RGS22: variants seen among roughly 807,000 people sequenced by gnomAD.
RGS22 encodes regulator of G protein signaling 22.
A neutral mutation model predicts 172.9 loss-of-function variants in RGS22; 148 were observed. The observed-to-expected ratio is 0.86, with a 90% confidence interval of 0.75 to 0.98. RGS22 has a LOEUF of 0.98. Ranked by LOEUF, RGS22 falls within the 50% of genes least tolerant of loss-of-function variation. The pLI is 0.00. For missense variants in RGS22, 1,347 were observed against 1,440.8 expected, an observed-to-expected ratio of 0.93 and a Z score of 1.05; for synonymous variants, 458 against 480.2, an observed-to-expected ratio of 0.95 and a Z score of 0.60.
intron 20 of RGS22, 96 bp from the exon 21 acceptor site, chr8:99,987,715 C>A: frequency 1.2e-6 from 1 of 812,514 alleles, no homozygotes; most frequent in Non-Finnish European, 1.8e-6. Flanking sequence ...AAATGCCTGG[C>A]ATGGCTATAA....
intron 23 of RGS22, among the ~76,000 whole-genome samples, chr8:99,972,983 CAAAAAAA>C (rs34427659): frequency 1.4e-5 from 1 of 69,810 alleles, no homozygotes; most frequent in Non-Finnish European, 3.1e-5. Flanking sequence ...GACTCCATCT[CAAAAAAA>C]AAAAAAAAAA....
chr8:99,979,918 A>G (rs551212462), intron 22 of RGS22, among the ~76,000 whole-genome samples: 1 of 152,304 alleles, frequency 6.6e-6, no homozygotes, highest in African/African-American at 2.4e-5. Context: ...AAAACAAGGG[A>G]GAGAAGACGA....
intron 10 of RGS22, 91 bp from the exon 11 acceptor site, chr8:100,047,687 T>G: frequency 1.7e-6 from 2 of 1,180,976 alleles, no homozygotes; most frequent in Non-Finnish European, 2.2e-6. Context: ...ATCACTCGAG[T>G]ACTTTTTCTT....
chr8:99,984,350 T>TATAA (rs1283982305), intron 21 of RGS22, among the ~76,000 whole-genome samples: 4 of 152,220 alleles, frequency 2.6e-5, no homozygotes, highest in African/African-American at 9.7e-5. Flanking sequence ...AACTATGGAA[T>TATAA]ATAAGGCTTG....
At chr8:100,049,926 G>C (rs1273940091) in intron 10 of RGS22, among the ~76,000 whole-genome samples, 1 of 151,988 alleles carries the variant, frequency 6.6e-6, no homozygotes, top group East Asian at 1.9e-4. Context: ...GTGGGTGCCT[G>C]TAGTACCAGC....
chr8:99,970,185 G>A (rs1057309769), intron 23 of RGS22, among the ~76,000 whole-genome samples: 3 of 152,100 alleles, frequency 2.0e-5, no homozygotes, highest in African/African-American at 7.2e-5. Flanking sequence ...TGAAACCAAT[G>A]AGAACAAAGA....
intron 22 of RGS22, among the ~76,000 whole-genome samples, chr8:99,979,764 A>G (rs995155102): frequency 6.6e-6 from 1 of 152,180 alleles, no homozygotes; most frequent in Non-Finnish European, 1.5e-5. Context: ...GTGTCCAAAA[A>G]ATGCCTTCTC....
intron 14 of RGS22, among the ~76,000 whole-genome samples, chr8:100,013,308 A>G (rs1816616126): frequency 6.6e-6 from 1 of 152,024 alleles, no homozygotes; most frequent in Non-Finnish European, 1.5e-5. Context: ...TTTTTAAATG[A>G]GAACAGAGAA....
At chr8:100,086,954 TCTCATGG>T (rs1369654801) in intron 3 of RGS22, among the ~76,000 whole-genome samples, 3 of 152,116 alleles carry the variant, frequency 2.0e-5, no homozygotes, top group Non-Finnish European at 2.9e-5. Context: ...TCATGCTGAC[TCTCATGG>T]GTATTCATAT....
rs1821833800 is a variant in RGS22 at position 100,052,916 on chromosome 8, T to C, written c.1575A>G (p.Lys525=). ...GTTTTGCTTGACGGAGGTGCCAGAATTTCAGTTCAGCACTAGCATATTTTG... is the reference window on the plus strand; with the variant it reads ...GTTTTGCTTGACGGAGGTGCCAGAACTTCAGTTCAGCACTAGCATATTTTG... ...ASTKYASAEL[K]FWHLRQAKPR... The change falls in exon 10 of 28, where the codon AAA becomes AAG. Residue 525 remains lysine, a synonymous_variant. Coordinates refer to ENST00000360863, the MANE Select transcript of RGS22 (RefSeq NM_015668.5). The C allele has an allele frequency of 2.5e-6, 4 of 1,614,082 alleles. No homozygotes were observed. The highest frequency in any genetic ancestry group is 3.4e-6 in the Non-Finnish European group (4 of 1,180,008).
At position 99,962,973 on chromosome 8, in the gene RGS22, G is replaced by T. The variant is rs375488833; in HGVS notation, c.3621C>A (p.Thr1207=). ...CTTCTATATACTTTGAGTAGCACCA[G>T]GTTGGCTAAAAAAAGCAATTTTCAA... ...LGLQPYGRQP[T]WCYSKYIEAL... The change falls in exon 25 of 28, where the codon ACC becomes ACA. Residue 1207 remains threonine, a synonymous_variant. Transcript: ENST00000360863. 6.4e-7 allele frequency: 1 copy of T among 1,560,332 alleles called. No individual in the cohort carries two copies. Among genetic ancestry groups the T allele is most frequent in the Non-Finnish European group, 8.6e-7 (1 of 1,163,368 alleles).
chr8:99,999,140 C>G, intron 19 of RGS22, 122 bp downstream of exon 19: 3 of 802,830 alleles, frequency 3.7e-6, no homozygotes, highest in Non-Finnish European at 5.7e-6. Flanking sequence ...GACTGGGTGA[C>G]AGAGAGAGCC....
intron 27 of RGS22, among the ~76,000 whole-genome samples, chr8:99,961,790 A>G (rs1169472865): frequency 6.6e-6 from 1 of 152,188 alleles, no homozygotes; most frequent in East Asian, 1.9e-4. Flanking sequence ...AGAGAAAAAA[A>G]TGAGTGGGCT....
chr8:100,029,138 T>C (rs1007270904), intron 14 of RGS22, among the ~76,000 whole-genome samples: 1 of 152,118 alleles, frequency 6.6e-6, no homozygotes, highest in African/African-American at 2.4e-5. Context: ...AATCCAATTC[T>C]GATGCTAGAA....
chr8:100,042,058 A>T (rs1456992839), intron 11 of RGS22, 142 bp from the exon 12 acceptor site: 3 of 557,066 alleles, frequency 5.4e-6, no homozygotes, highest in Non-Finnish European at 6.4e-6. Context: ...AAGGATAAAC[A>T]TCGTTCTAGC....
intron 3 of RGS22, among the ~76,000 whole-genome samples, chr8:100,087,575 C>T (rs956512386): frequency 2.0e-5 from 3 of 152,094 alleles, no homozygotes; most frequent in African/African-American, 7.2e-5. Context: ...GTGAAACTTA[C>T]CGGGTGCCAA....
chr8:100,072,072 G>A, intron 5 of RGS22, 73 bp downstream of exon 5: 1 of 867,916 alleles, frequency 1.2e-6, no homozygotes, highest in Non-Finnish European at 1.8e-6. Flanking sequence ...GTGGCATACA[G>A]CTGTAGTCCT....
chr8:100,031,347 C>A (rs138032079), intron 14 of RGS22, among the ~76,000 whole-genome samples: 4 of 152,032 alleles, frequency 2.6e-5, no homozygotes, highest in Non-Finnish European at 5.9e-5. Context: ...GTTACCCTGA[C>A]GTCCAATCCA....
At chr8:99,975,602 A>G (rs1054766248) in intron 23 of RGS22, among the ~76,000 whole-genome samples, 10 of 148,998 alleles carry the variant, frequency 6.7e-5, no homozygotes, top group African/African-American at 2.5e-4. Flanking sequence ...TAATTAGATG[A>G]CCAAAAAAAA....
Sources: allele counts gnomAD v4.1 joint callset (sites outside exome capture counted in the v4.1 genomes callset), GRCh38; gene constraint gnomAD v4.1.1; transcripts MANE v1.5; gene names NCBI Gene and HGNC (gene_info 2026-07-23, HGNC 2026-07-21).